METTL22: variants seen among roughly 807,000 people sequenced by gnomAD.
The protein encoded by METTL22 is methyltransferase-like protein 22.
A neutral mutation model predicts 48.4 loss-of-function variants in METTL22; 51 were observed. The ratio of observed to expected loss-of-function variants is 1.05; its 90% CI spans 0.84 to 1.33. METTL22 has a LOEUF of 1.33. Ranked by LOEUF, METTL22 falls within the 40% of genes most tolerant of loss-of-function variation. The pLI is 0.00. For missense variants in METTL22, 678 were observed against 526.9 expected, an observed-to-expected ratio of 1.29 and a Z score of -2.81; for synonymous variants, 255 against 214.1, an observed-to-expected ratio of 1.19 and a Z score of -1.67.
the METTL22 span, among the ~76,000 whole-genome samples, chr16:8,665,445 C>T: frequency 6.6e-6 from 1 of 152,212 alleles, no homozygotes; most frequent in African/African-American, 2.4e-5. Context: ...AGGCAAAGCC[C>T]CTCCCTCTGC....
chr16:8,644,292 T>C lies in METTL22; in HGVS notation c.1011-265T>C, dbSNP rs114310912. ...TGATCTGCAGGACTGTCTTGATCTTTCCAGCAGTGTCATTGTGGGCACGTG... is the reference window on the plus strand; with the variant it reads ...TGATCTGCAGGACTGTCTTGATCTTCCCAGCAGTGTCATTGTGGGCACGTG... On this transcript the variant is annotated intron_variant, in intron 9 of 10. Coordinates refer to ENST00000381920, the MANE Select transcript of METTL22 (RefSeq NM_024109.4). The C allele has an allele frequency of 6.4e-3, 1,722 of 271,058 alleles. 11 individuals are homozygous for C. The highest frequency in any genetic ancestry group is 0.036 in the Middle Eastern group (32 of 882). 16.8% of individuals were successfully genotyped at this position (271,058 alleles called of 1,614,324 possible). A position where few individuals can be genotyped will look rare whatever the true frequency, so the allele number is the denominator to read the frequency against.
In METTL22 at chr16:8,649,402, C is replaced by T. The variant is rs1371289942; in HGVS notation, c.*3259C>T. ...GTTCTGCTAGGTAATTAGCCCAGGC[C>T]AGTGGACTCAATTTTTTTATAACAT... On this transcript the variant is annotated 3_prime_UTR_variant, in exon 11 of 11. Transcript: ENST00000381920. The T allele has an allele frequency of 6.6e-6, 1 of 152,146 alleles. No individual in the cohort carries two copies. The highest frequency in any genetic ancestry group is 2.4e-5 in the African/African-American group (1 of 41,426). 9.4% of individuals were successfully genotyped at this position (152,146 alleles called of 1,614,324 possible).
chr16:8,656,148 A>G, the METTL22 span, among the ~76,000 whole-genome samples: 244 of 152,292 alleles, frequency 1.6e-3, no homozygotes, highest in African/African-American at 5.8e-3. Flanking sequence ...AGGCATGAGC[A>G]TAGTGCACCA....
Position 8,625,849 on chromosome 16 carries a change from T to C in METTL22, c.133+51T>C, listed in dbSNP as rs543472306. ...GCGGATCCTATTTTGTTTTCTGCTT[T>C]CTCATACTCATCTTTTTGGGGAAAA... On this transcript the variant is annotated intron_variant, in intron 2 of 10. Coordinates refer to ENST00000381920, the MANE Select transcript of METTL22 (RefSeq NM_024109.4). 12 of 1,601,592 alleles carry C rather than the reference T, an allele frequency of 7.5e-6. No individual in the cohort carries two copies. In the South Asian group the frequency reaches 1.1e-4, roughly 15 times the overall value.
intron 9 of METTL22, 50 bp downstream of exon 9, chr16:8,642,615 A>T (rs779692498): frequency 6.6e-7 from 1 of 1,513,874 alleles, no homozygotes; most frequent in Non-Finnish European, 9.2e-7. Context: ...TGTCAGCGGA[A>T]CTCTCACCTC....
intron 6 of METTL22, among the ~76,000 whole-genome samples, chr16:8,640,451 C>T (rs1332783218): frequency 6.6e-6 from 1 of 151,076 alleles, no homozygotes; most frequent in African/African-American, 2.4e-5. Context: ...CTGGCACCGT[C>T]CCTGACACGT....
At chr16:8,660,852 A>G in the METTL22 span, among the ~76,000 whole-genome samples, 5 of 1,746 alleles carry the variant, frequency 2.9e-3, no homozygotes, top group Non-Finnish European at 3.5e-3. Flanking sequence ...GAGGAGGGGG[A>G]GGAGGAAGAG....
At chr16:8,637,737 C>T (rs1385004567) in intron 5 of METTL22, among the ~76,000 whole-genome samples, 2 of 152,202 alleles carry the variant, frequency 1.3e-5, no homozygotes, top group African/African-American at 4.8e-5. Context: ...CTGGGGAGAA[C>T]GCACTCAGGG....
chr16:8,667,186 G>C, the METTL22 span: 2 of 151,602 alleles, frequency 1.3e-5, no homozygotes, highest in Non-Finnish European at 2.9e-5. Flanking sequence ...TTCTCAGTGG[G>C]GAAGAGTTCA....
chr16:8,645,046 G>A, intron 10 of METTL22: 1 of 204,234 alleles, frequency 4.9e-6, no homozygotes. Flanking sequence ...CAGGAAGTCA[G>A]TGGAGGGAAG....
In METTL22 at chr16:8,644,648, G is replaced by A; in HGVS notation, c.1102G>A (p.Gly368Ser). 6.2e-7 allele frequency: 1 copy of A among 1,606,842 alleles called. No individual in the cohort carries two copies. The highest frequency in any genetic ancestry group is 8.5e-7 in the Non-Finnish European group (1 of 1,176,858). The change falls in exon 10 of 11, where the codon GGC (glycine) becomes AGC (serine). Residue 368 changes from glycine to serine, a missense_variant. Physicochemically the swap from Gly to Ser is moderately conservative, Grantham distance 56. Transcript: ENST00000381920. Reference protein sequence around the residue: ...CLHALEQLADGKLRFVVEPVE... With the variant: ...CLHALEQLADSKLRFVVEPVE... Reference sequence around the variant, plus strand: ...GCACGCGCTGGAGCAGCTCGCAGATGGCAAGCTGCGCTTCGTGGTGGAGCC... The same window carrying A: ...GCACGCGCTGGAGCAGCTCGCAGATAGCAAGCTGCGCTTCGTGGTGGAGCC...
At position 8,635,198 on chromosome 16, in the gene METTL22, T is replaced by G. The variant is rs2056386176; in HGVS notation, c.586T>G (p.Tyr196Asp). 2.5e-6 allele frequency: 4 copies of G among 1,611,360 alleles called. No homozygotes were observed. The East Asian group carries it at 8.9e-5, about 36-fold the overall frequency. The change falls in exon 5 of 11, where the codon TAC becomes GAC. Residue 196 changes from tyrosine to aspartate, a missense_variant. By Grantham distance (160) the Tyr-to-Asp change is radical. Transcript: ENST00000381920. ...VWRGALLLADYILFRQDLFRG... is the reference protein window; with the variant it reads ...VWRGALLLADDILFRQDLFRG... ...GCGGGGCGCCCTGCTCCTGGCAGACTACATCCTGTTCCGACAGGACCTCTT... is the reference window on the plus strand; with the variant it reads ...GCGGGGCGCCCTGCTCCTGGCAGACGACATCCTGTTCCGACAGGACCTCTT...
chr16:8,639,557 G>A, intron 6 of METTL22: 1 of 234,408 alleles, frequency 4.3e-6, no homozygotes, highest in Non-Finnish European at 8.7e-6. Context: ...CCTGTGGGGT[G>A]AAGTCTGAGC....
At chr16:8,652,374 G>A (rs747197152), downstream of METTL22, among the ~76,000 whole-genome samples, 4 of 145,542 alleles carry the variant, frequency 2.7e-5, no homozygotes, top group African/African-American at 5.1e-5. Context: ...CACAAGAATC[G>A]CTTAAACCGA....
the METTL22 span, among the ~76,000 whole-genome samples, chr16:8,655,046 A>T: frequency 6.6e-6 from 1 of 152,110 alleles, no homozygotes; most frequent in African/African-American, 2.4e-5. Context: ...TAGTTAGAAG[A>T]CTCTAAAATA....
chr16:8,664,506 T>C, the METTL22 span, among the ~76,000 whole-genome samples: 1 of 151,846 alleles, frequency 6.6e-6, no homozygotes, highest in Non-Finnish European at 1.5e-5. Context: ...CAGCCTGGAG[T>C]GCAGTGATGC....
chr16:8,626,306 G>A (rs2056048199), intron 2 of METTL22, among the ~76,000 whole-genome samples: 1 of 152,180 alleles, frequency 6.6e-6, no homozygotes, highest in South Asian at 2.1e-4. Context: ...GCAAACTCCT[G>A]TGGTTTCCTG....
downstream of METTL22, among the ~76,000 whole-genome samples, chr16:8,653,517 A>G (rs1190143698): frequency 6.6e-6 from 1 of 152,250 alleles, no homozygotes; most frequent in Non-Finnish European, 1.5e-5. Flanking sequence ...ACATGGAAGA[A>G]GAAACTATTC....
At chr16:8,638,892 G>T (rs1323886201) in intron 5 of METTL22, among the ~76,000 whole-genome samples, 199 bp from the exon 6 acceptor site, 4 of 152,218 alleles carry the variant, frequency 2.6e-5, no homozygotes, top group Non-Finnish European at 5.9e-5. Flanking sequence ...ATCAGGAGGA[G>T]AATCTCTTAT....
Sources: gnomAD v4.1 joint callset for allele counts (sites outside exome capture counted in the v4.1 genomes callset) on GRCh38, gnomAD v4.1.1 for gene constraint, MANE v1.5 for transcripts, NCBI Gene and HGNC (gene_info 2026-07-23, HGNC 2026-07-21) for gene names.